The following MYO7B variants were observed in gnomAD, a reference collection of about 807,000 sequenced individuals.
MYO7B encodes myosin VIIB, also known as unconventional myosin-VIIb.
Under a neutral mutation model 259.7 loss-of-function variants are expected in MYO7B, and 212 were observed. The ratio of observed to expected loss-of-function variants is 0.82; its 90% CI spans 0.73 to 0.91. The LOEUF (loss-of-function observed/expected upper bound fraction) is 0.91. MYO7B is among the 40% of genes least tolerant of loss of function. MYO7B has a pLI of 0.00. For synonymous variants in MYO7B, 1,197 were observed against 1,166.4 expected, an observed-to-expected ratio of 1.03 and a Z score of -0.54; for missense variants, 2,732 against 2,813.5, an observed-to-expected ratio of 0.97 and a Z score of 0.66.
chr2:127,557,281 A>G (rs1041470412), intron 1 of MYO7B, among the ~76,000 whole-genome samples: 1 of 151,950 alleles, frequency 6.6e-6, no homozygotes, highest in African/African-American at 2.4e-5. Flanking sequence ...GTCTGTTTCA[A>G]TGAAGATTTC....
Position 127,586,676 on chromosome 2 carries a change from A to G in MYO7B, c.1691-1716A>G, listed in dbSNP as rs1302697997. 6.6e-6 allele frequency among the ~76,000 whole-genome samples: 1 copy of G among 152,212 alleles called. No homozygotes were observed. Among genetic ancestry groups the G allele is most frequent in the African/African-American group, 2.4e-5 (1 of 41,464 alleles). ...GCTGAGTTTTATTTTTTGAAATGATAGGAAACTTACATAATGCTAAGATTA... is the reference window on the plus strand; with the variant it reads ...GCTGAGTTTTATTTTTTGAAATGATGGGAAACTTACATAATGCTAAGATTA... On this transcript the variant is annotated intron_variant, in intron 14 of 47. Transcript: ENST00000409816. This position sits in a 1 kb window ranked among gnomAD's most constrained non-coding sequence, Gnocchi z 4.8.
At chr2:127,581,239 A>G (rs575693289) in intron 10 of MYO7B, among the ~76,000 whole-genome samples, 1 of 152,216 alleles carries the variant, frequency 6.6e-6, no homozygotes, top group South Asian at 2.1e-4. Context: ...GGAATGTGCC[A>G]GTGAGTCTGG....
At chr2:127,631,008 C>G in intron 36 of MYO7B, 100 bp downstream of exon 36, 6 of 1,396,900 alleles carry the variant, frequency 4.3e-6, no homozygotes, top group Non-Finnish European at 5.8e-6. Context: ...CCTCATTGCA[C>G]CCACTGAGAG....
chr2:127,634,213 T>G lies in MYO7B; in HGVS notation c.5549T>G (p.Val1850Gly). The G allele has an allele frequency of 1.2e-6, 2 of 1,603,238 alleles. No individual in the cohort carries two copies. The highest frequency in any genetic ancestry group is 3.5e-5 in the Admixed American group (2 of 57,148). The change falls in exon 41 of 48, where the codon GTG becomes GGG. Residue 1850 changes from valine (V) to glycine (G), a missense_variant. By Grantham distance (109) the Val-to-Gly change is moderately radical. Around this residue, in one of 3 missense-constraint regions of MYO7B, gnomAD observed 821 missense variants for 769.3 expected, o/e 1.07. Transcript: ENST00000409816. The stretch of plus-strand genomic sequence containing the variant: ...GTTGCCAACACACGGGTGCGGGATG[T>G]GTGTGACAGCATTGCCACCAGGCTG... The part of the protein sequence containing the change: ...EVVANTRVRD[V>G]CDSIATRLQL...
intron 27 of MYO7B, among the ~76,000 whole-genome samples, 165 bp from the exon 28 acceptor site, chr2:127,621,817 C>T (rs996437003): frequency 7.2e-5 from 11 of 152,262 alleles, no homozygotes; most frequent in Non-Finnish European, 1.6e-4. Flanking sequence ...TGCCAAACTG[C>T]TCCTCAGAAA....
In MYO7B at chr2:127,559,727, C is replaced by T. The variant is rs776160939; in HGVS notation, c.5C>T (p.Ser2Leu). 73 of 1,613,730 alleles carry T rather than the reference C, an allele frequency of 4.5e-5. No homozygotes were observed. Among genetic ancestry groups the T allele is most frequent in the Non-Finnish European group, 5.7e-5 (67 of 1,179,880 alleles). M[S>L]GFRLGDHVWL... ...TTGTGGAACTGCTGACTCAGGATGT[C>T]GGGGTTCAGGCTGGTAAGAATTGTA... Residue 2 changes from serine (S) to leucine (L), a missense_variant, in exon 2 of 48, where the codon TCG (serine) becomes TTG (leucine). Ser to Leu is a moderately radical substitution (Grantham distance 145). Transcript: ENST00000409816. The surrounding 1 kb of genome is among the most constrained non-coding windows in gnomAD (Gnocchi z 4.1).
chr2:127,624,030 G>T (rs1680977586), intron 29 of MYO7B, 63 bp from the exon 30 acceptor site: 9 of 1,430,080 alleles, frequency 6.3e-6, no homozygotes, highest in Middle Eastern at 2.5e-4. Context: ...GCTGACGGTG[G>T]GCGTCCCCGT....
chr2:127,625,236 A>G lies in MYO7B; in HGVS notation c.4048-132A>G, dbSNP rs1681045176. 1.4e-5 allele frequency: 15 copies of G among 1,062,104 alleles called. 1 individual carries two copies. In the Middle Eastern group the frequency reaches 9.6e-4, roughly 68 times the overall value. 65.8% of individuals were successfully genotyped at this position (1,062,104 alleles called of 1,614,324 possible). A position where few individuals can be genotyped will look rare whatever the true frequency, so the allele number is the denominator to read the frequency against. On this transcript the variant is annotated intron_variant, in intron 30 of 47. Transcript: ENST00000409816. ...CAGTCAGGGCATGCAGGGAGGGGGA[A>G]GGTCCTGCCCGAGCCACAGGTTAGC...
At position 127,593,570 on chromosome 2, in the gene MYO7B, A is replaced by G. The variant is rs1205515202; in HGVS notation, c.2170A>G (p.Thr724Ala). 6.2e-7 allele frequency: 1 copy of G among 1,613,322 alleles called. No homozygotes were observed. The highest frequency in any genetic ancestry group is 1.7e-5 in the Admixed American group (1 of 59,988). Reference sequence around the variant, plus strand: ...GCTGCAAGGCAAGCTCCGCCAGATGACCCTGGGCATCACTGACGTGTGGCT... The same window carrying G: ...GCTGCAAGGCAAGCTCCGCCAGATGGCCCTGGGCATCACTGACGTGTGGCT... The part of the protein sequence containing the change: ...MQLQGKLRQM[T>A]LGITDVWLRT... The change falls in exon 18 of 48, where the codon ACC becomes GCC. Residue 724 changes from threonine to alanine, a missense_variant. Physicochemically the swap from Thr to Ala is moderately conservative, Grantham distance 58. This residue lies in a region of MYO7B where 1,906 missense variants were observed against 2,026.4 expected (regional missense o/e 0.94). Transcript: ENST00000409816.
At chr2:127,599,623 TA>T (rs1403808630) in intron 19 of MYO7B, among the ~76,000 whole-genome samples, 1 of 152,240 alleles carries the variant, frequency 6.6e-6, no homozygotes, top group Non-Finnish European at 1.5e-5. Flanking sequence ...ACTCAGACTT[TA>T]ACCATTGAAT....
intron 39 of MYO7B, 47 bp from the exon 40 acceptor site, chr2:127,633,205 TGGGTGA>T: frequency 1.4e-6 from 2 of 1,389,422 alleles, no homozygotes; most frequent in South Asian, 2.5e-5. Context: ...GGCTGGGGCA[TGGGTGA>T]GGATGAGGGT....
chr2:127,553,989 T>C (rs189889210), intron 1 of MYO7B, among the ~76,000 whole-genome samples: 6 of 152,370 alleles, frequency 3.9e-5, no homozygotes, highest in African/African-American at 1.4e-4. Context: ...TTTTGTCAAA[T>C]GCTTTTTCTG....
intron 9 of MYO7B, among the ~76,000 whole-genome samples, chr2:127,578,703 C>A (rs974483655): frequency 1.3e-5 from 2 of 152,136 alleles, no homozygotes; most frequent in African/African-American, 4.8e-5. Flanking sequence ...AAAGCACCAG[C>A]AAGTTAGATT....
rs1681440901 is a variant in MYO7B at position 127,630,797 on chromosome 2, C to T, written c.4826C>T (p.Pro1609Leu). Reference sequence around the variant, plus strand: ...CTTCAGAGCTTGCTTGCCATGTCACCAGAGAAGAGGAAGCTGGCGGCTCAG... The same window carrying T: ...CTTCAGAGCTTGCTTGCCATGTCACTAGAGAAGAGGAAGCTGGCGGCTCAG... ...AQLLSLLAMS[P>L]EKRKLAAQEG... The change falls in exon 36 of 48, where the codon CCA (proline) becomes CTA (leucine). Residue 1609 changes from proline (P) to leucine (L), a missense_variant. By Grantham distance (98) the Pro-to-Leu change is moderately conservative (BLOSUM62 -3). Coordinates refer to ENST00000409816, the MANE Select transcript of MYO7B (RefSeq NM_001393586.1). The T allele has an allele frequency of 1.2e-6, 2 of 1,613,058 alleles. No homozygotes were observed. Among genetic ancestry groups the T allele is most frequent in the East Asian group, 2.2e-5 (1 of 44,882 alleles).
intron 1 of MYO7B, among the ~76,000 whole-genome samples, chr2:127,550,426 C>T (rs1693402408): frequency 6.6e-6 from 1 of 152,038 alleles, no homozygotes; most frequent in East Asian, 1.9e-4. Context: ...ATTAGCCAGG[C>T]ATGGTGGAGC....
Position 127,624,189 on chromosome 2 carries a change from C to A in MYO7B, c.3916C>A (p.Pro1306Thr). ...GAGGGGCGAGAGCCAGCGCCAGTCA[C>A]CCTGGCGCATCTACTTCCGGAAGGA... ...QERGESQRQSPWRIYFRKEFF... is the reference protein window; with the variant it reads ...QERGESQRQSTWRIYFRKEFF... The change falls in exon 30 of 48, where the codon CCC becomes ACC. Residue 1306 changes from proline (P) to threonine (T), a missense_variant. Around this residue, in one of 3 missense-constraint regions of MYO7B, gnomAD observed 1,906 missense variants for 2,026.4 expected, o/e 0.94. Transcript: ENST00000409816. The A allele has an allele frequency of 6.3e-7, 1 of 1,597,048 alleles. No homozygotes were observed.
Position 127,614,608 on chromosome 2 carries a change from A to C in MYO7B, c.3398+2005A>C, listed in dbSNP as rs1019477197. 1.1e-4 allele frequency among the ~76,000 whole-genome samples: 16 copies of C among 152,116 alleles called. No individual in the cohort carries two copies. Among genetic ancestry groups the C allele is most frequent in the African/African-American group, 3.9e-4 (16 of 41,412 alleles). On this transcript the variant is annotated intron_variant, in intron 26 of 47. Coordinates refer to ENST00000409816, the MANE Select transcript of MYO7B (RefSeq NM_001393586.1). This position sits in a 1 kb window ranked among gnomAD's most constrained non-coding sequence, Gnocchi z 4.6. The stretch of plus-strand genomic sequence containing the variant: ...ATTCTAGTACCCTGGGAGGTGGCAA[A>C]TGGGCTTCTGGAGCTCAGCAGGCAT...
At chr2:127,631,518 G>C in intron 37 of MYO7B, 82 bp from the exon 38 acceptor site, 1 of 1,547,466 alleles carries the variant, frequency 6.5e-7, no homozygotes, top group Non-Finnish European at 8.7e-7. Context: ...GCTCACCGCA[G>C]GGCCGGGGTC....
Position 127,584,048 on chromosome 2 carries a change from T to C in MYO7B, c.1344-74T>C. The C allele has an allele frequency of 1.5e-5, 21 of 1,398,980 alleles. No homozygotes were observed. The highest frequency in any genetic ancestry group is 2.1e-5 in the Non-Finnish European group (21 of 1,010,816). The allele number at this position is 1,398,980 out of a possible 1,614,324, so 86.7% of individuals were successfully genotyped here. A position where few individuals can be genotyped will look rare whatever the true frequency, so the allele number is the denominator to read the frequency against. ...GCTGTTTGCAGATGGCTGGTGATCC[T>C]ATGGCTCCAGCCTGCTGCAGCGGGG... On this transcript the variant is annotated intron_variant, in intron 12 of 47. Coordinates refer to ENST00000409816, the MANE Select transcript of MYO7B (RefSeq NM_001393586.1). This position sits in a 1 kb window ranked among gnomAD's most constrained non-coding sequence, Gnocchi z 5.8.
Sources: gnomAD v4.1 joint callset for allele counts (sites outside exome capture counted in the v4.1 genomes callset) on GRCh38, gnomAD v4.1.1 for gene constraint, gnomAD v4.1.1 regional missense constraint, Gnocchi (gnomAD v3.1) non-coding constraint, MANE v1.5 for transcripts, NCBI Gene and HGNC (gene_info 2026-07-23, HGNC 2026-07-21) for gene names.